The following DACH2 variants were observed in gnomAD, a reference collection of about 807,000 sequenced individuals.
DACH2 encodes dachshund family transcription factor 2.
In DACH2, 17 loss-of-function variants were observed where a neutral mutation model predicts 35.8. The observed-to-expected ratio is 0.48, with a 90% CI of 0.33 to 0.71. The LOEUF is 0.71. Among genes scored for constraint, DACH2 ranks in the 30% least tolerant of loss-of-function variants. DACH2 has a pLI of 0.02. For synonymous variants in DACH2, 195 were observed against 177.3 expected, an observed-to-expected ratio of 1.10 and a Z score of -0.79; for missense variants, 469 against 472.7, an observed-to-expected ratio of 0.99 and a Z score of 0.07.
chrX:86,477,367 T>TAC (rs2037862260), intron 2 of DACH2, among the ~76,000 whole-genome samples: 2 of 100,420 alleles, frequency 2.0e-5, no homozygotes, highest in African/African-American at 7.1e-5. Flanking sequence ...TATATATATA[T>TAC]ATAATTGTTA....
At chrX:86,744,244 G>A (rs879201173) in intron 7 of DACH2, among the ~76,000 whole-genome samples, 5 of 110,998 alleles carry the variant, frequency 4.5e-5, no homozygotes, top group Admixed American at 1.9e-4. Context: ...TCCTGATGAG[G>A]ACATTAATAA....
intron 2 of DACH2, among the ~76,000 whole-genome samples, chrX:86,406,536 A>G (rs1287753994): frequency 1.8e-5 from 2 of 112,221 alleles, no homozygotes; most frequent in Non-Finnish European, 3.8e-5. Context: ...ATCTAAAATG[A>G]AAGTTGAAAT....
Position 86,442,649 on chromosome X carries a change from C to G in DACH2, c.527+65787C>G, listed in dbSNP as rs777766158. Among the ~76,000 whole-genome samples the G allele has an allele frequency of 6.3e-3, 229 of 36,228 alleles. 1 individual carries two copies. Among genetic ancestry groups the G allele is most frequent in the Middle Eastern group, 0.026 (3 of 116 alleles). The allele number at this position is 36,228 out of a possible 115,157, so 31.5% of individuals were successfully genotyped here. A position where few individuals can be genotyped will look rare whatever the true frequency, so the allele number is the denominator to read the frequency against. ...TAGATCAGTGTCATGAAGCATCTCC[C>G]CAAGTTTTCTTCTGGGAGTTTTTTT... is the stretch of plus-strand genomic sequence containing the variant. On this transcript the variant is annotated intron_variant, in intron 2 of 11. Coordinates refer to ENST00000373125, the MANE Select transcript of DACH2 (RefSeq NM_053281.3).
At chrX:86,325,803 T>C (rs1037190737) in intron 1 of DACH2, among the ~76,000 whole-genome samples, 1 of 112,202 alleles carries the variant, frequency 8.9e-6, no homozygotes, top group Non-Finnish European at 1.9e-5. Flanking sequence ...TTTTGCCTTA[T>C]AGATAGACTA....
intron 1 of DACH2, among the ~76,000 whole-genome samples, chrX:86,175,270 G>T (rs2031263230): frequency 8.9e-6 from 1 of 112,009 alleles, no homozygotes; most frequent in South Asian, 3.7e-4. Context: ...CACAATGAGG[G>T]AATAATCAGC....
At chrX:86,607,900 C>T (rs2148365081) in intron 3 of DACH2, among the ~76,000 whole-genome samples, 1 of 106,718 alleles carries the variant, frequency 9.4e-6, no homozygotes. Context: ...CAATTTCATC[C>T]ATGTCCCTAC....
At chrX:86,358,292 C>A (rs188011776) in intron 1 of DACH2, among the ~76,000 whole-genome samples, 51 of 111,722 alleles carry the variant, frequency 4.6e-4, no homozygotes, top group African/African-American at 1.6e-3. Flanking sequence ...CTAGAGTTCT[C>A]TGAGTATATG....
intron 3 of DACH2, among the ~76,000 whole-genome samples, chrX:86,547,183 G>C (rs1044285682): frequency 1.8e-5 from 2 of 111,224 alleles, no homozygotes; most frequent in African/African-American, 6.5e-5. Context: ...AGAGAATCCC[G>C]ATTATGTAAA....
intron 2 of DACH2, among the ~76,000 whole-genome samples, chrX:86,425,375 A>G (rs1466800737): frequency 9.1e-6 from 1 of 110,367 alleles, no homozygotes; most frequent in East Asian, 2.8e-4. Context: ...TGGTCTGTTC[A>G]GGTTTTGGAT....
intron 3 of DACH2, among the ~76,000 whole-genome samples, chrX:86,521,540 T>C (rs895782341): frequency 8.9e-6 from 1 of 112,095 alleles, no homozygotes; most frequent in African/African-American, 3.2e-5. Flanking sequence ...AGCTTTGTTT[T>C]ACTTCCTGCC....
intron 2 of DACH2, among the ~76,000 whole-genome samples, chrX:86,500,397 T>C (rs771988927): frequency 6.3e-5 from 7 of 111,808 alleles, no homozygotes; most frequent in Non-Finnish European, 1.9e-5. Context: ...CCTTTGCCTT[T>C]GACTTTAGGT....
At chrX:86,510,351 C>T (rs1219092236) in intron 2 of DACH2, among the ~76,000 whole-genome samples, 1 of 112,185 alleles carries the variant, frequency 8.9e-6, no homozygotes, top group African/African-American at 3.2e-5. Flanking sequence ...ATCTTATTGA[C>T]ACTAGAAGAC....
chrX:86,552,753 TA>T (rs1225047941), intron 3 of DACH2, among the ~76,000 whole-genome samples: 1 of 111,551 alleles, frequency 9.0e-6, no homozygotes, highest in East Asian at 2.8e-4. Flanking sequence ...ATACAATGGT[TA>T]TTTTTTTTTA....
At chrX:86,201,862 G>A (rs1474581609) in intron 1 of DACH2, among the ~76,000 whole-genome samples, 1 of 110,468 alleles carries the variant, frequency 9.1e-6, no homozygotes, top group Non-Finnish European at 1.9e-5. Context: ...AGTGATGAAG[G>A]TTCTAGTTTG....
chrX:86,808,645 C>CAA (rs56053664), intron 7 of DACH2, among the ~76,000 whole-genome samples: 3 of 85,325 alleles, frequency 3.5e-5, no homozygotes, highest in Non-Finnish European at 7.3e-5. Flanking sequence ...ATGACATTGC[C>CAA]AAAAAAAAAA....
intron 1 of DACH2, among the ~76,000 whole-genome samples, chrX:86,316,185 C>A (rs1348418764): frequency 9.1e-6 from 1 of 110,133 alleles, no homozygotes; most frequent in Non-Finnish European, 1.9e-5. Flanking sequence ...TCCCAGACAT[C>A]TTCTTACAGC....
intron 1 of DACH2, among the ~76,000 whole-genome samples, chrX:86,280,559 C>A (rs949890233): frequency 9.0e-6 from 1 of 111,666 alleles, no homozygotes; most frequent in Non-Finnish European, 1.9e-5. Flanking sequence ...TGGGCAAAAA[C>A]CAGGTAGCAT....
intron 2 of DACH2, among the ~76,000 whole-genome samples, chrX:86,495,745 C>G (rs1219946406): frequency 1.9e-5 from 2 of 107,512 alleles, no homozygotes; most frequent in African/African-American, 6.8e-5. Context: ...TGAGTCAGCC[C>G]AAGGGTTTGA....
At chrX:86,456,544 A>T (rs1396971246) in intron 2 of DACH2, among the ~76,000 whole-genome samples, 1 of 111,346 alleles carries the variant, frequency 9.0e-6, no homozygotes, top group East Asian at 2.8e-4. Flanking sequence ...CTTATAATAT[A>T]TATGTTTATA....
Sources: allele counts gnomAD v4.1 joint callset (sites outside exome capture counted in the v4.1 genomes callset), GRCh38; gene constraint gnomAD v4.1.1; transcripts MANE v1.5; gene names NCBI Gene and HGNC (gene_info 2026-07-23, HGNC 2026-07-21).